The following MAP7 variants were observed in gnomAD, a reference collection of about 807,000 sequenced individuals.
The protein encoded by MAP7 is microtubule associated protein 7.
MAP7 carries 52 observed loss-of-function variants against 94.8 expected under a neutral mutation model. That is an observed-to-expected ratio of 0.55 (90% CI 0.44 to 0.69). The LOEUF (loss-of-function observed/expected upper bound fraction) is 0.69. Among genes scored for constraint, MAP7 ranks in the 30% least tolerant of loss-of-function variants. MAP7 has a pLI of 0.00. For missense variants in MAP7, 940 were observed against 964.6 expected (o/e 0.97, Z 0.34); for synonymous variants, 350 against 357.0 (o/e 0.98, Z 0.22).
At chr6:136,403,106 C>T (rs1244526158) in intron 3 of MAP7, among the ~76,000 whole-genome samples, 6 of 152,034 alleles carry the variant, frequency 3.9e-5, no homozygotes, top group African/African-American at 1.4e-4. Flanking sequence ...AAGAATGTAG[C>T]CATTCTCTTC....
intron 1 of MAP7, among the ~76,000 whole-genome samples, chr6:136,423,782 G>GT (rs60134746): frequency 0.89 from 121,404 of 136,008 alleles, 53,939 homozygotes; most frequent in Non-Finnish European, 0.97. Flanking sequence ...AGGGAGTTGT[G>GT]TTTTTTTTTT....
At chr6:136,510,583 C>T (rs779335441) in intron 1 of MAP7, among the ~76,000 whole-genome samples, 3 of 152,066 alleles carry the variant, frequency 2.0e-5, no homozygotes, top group Non-Finnish European at 2.9e-5. Context: ...AGCTCACACA[C>T]GGCAGTCCAC....
intron 7 of MAP7, among the ~76,000 whole-genome samples, chr6:136,373,949 T>C (rs1462152827): frequency 6.6e-6 from 1 of 152,226 alleles, no homozygotes; most frequent in Non-Finnish European, 1.5e-5. Context: ...CAGTATCTTC[T>C]GGCTATCACT....
intron 1 of MAP7, among the ~76,000 whole-genome samples, chr6:136,457,304 G>A (rs1803621323): frequency 5.4e-5 from 8 of 148,248 alleles, no homozygotes; most frequent in Admixed American, 5.4e-4. Flanking sequence ...ATTGAATCAG[G>A]AATTAAAAAA....
intron 1 of MAP7, among the ~76,000 whole-genome samples, chr6:136,461,756 A>T (rs899025581): frequency 6.6e-6 from 1 of 152,290 alleles, no homozygotes; most frequent in African/African-American, 2.4e-5. Context: ...GGATCAACAC[A>T]TATAACTGGA....
rs1031965637 is a variant in MAP7 at position 136,342,780 on chromosome 6, T to A, written c.*1448A>T. ...ATTTGGTGTTTCATGCTATGTTGAT[T>A]TAAACAAATTAAACAAGTTTGTTGA... On this transcript the variant is annotated 3_prime_UTR_variant, in exon 18 of 18. Transcript: ENST00000354570. 1.3e-5 allele frequency: 2 copies of A among 152,214 alleles called. No homozygotes were observed. The highest frequency in any genetic ancestry group is 4.8e-5 in the African/African-American group (2 of 41,454). The allele number at this position is 152,214 out of a possible 1,614,324, so 9.4% of individuals were successfully genotyped here. A position where few individuals can be genotyped will look rare whatever the true frequency, so the allele number is the denominator to read the frequency against.
Position 136,381,561 on chromosome 6 carries a change from G to T in MAP7, c.637+2110C>A, listed in dbSNP as rs527893840. Among the ~76,000 whole-genome samples, 9 of 152,054 alleles carry T rather than the reference G, an allele frequency of 5.9e-5. No individual in the cohort carries two copies. The South Asian group carries it at 8.3e-4, about 14-fold the overall frequency. ...TAATAAAAGGCCTAAGCCTTTCAGG[G>T]TTCTACTGAGGGCTTTGCTTAAGTT... On this transcript the variant is annotated intron_variant, in intron 6 of 17. Coordinates refer to ENST00000354570, the MANE Select transcript of MAP7 (RefSeq NM_003980.6).
At chr6:136,473,794 C>A (rs1417814497) in intron 1 of MAP7, among the ~76,000 whole-genome samples, 1 of 152,120 alleles carries the variant, frequency 6.6e-6, no homozygotes, top group Non-Finnish European at 1.5e-5. Context: ...CCAAAGAGAA[C>A]CCTTATTGCT....
intron 1 of MAP7, among the ~76,000 whole-genome samples, chr6:136,538,093 A>G (rs1829028408): frequency 6.6e-6 from 1 of 152,208 alleles, no homozygotes; most frequent in Non-Finnish European, 1.5e-5. Flanking sequence ...AAATTTTTTA[A>G]AAGATATAAA....
At chr6:136,366,758 C>T (rs1794434272) in intron 8 of MAP7, among the ~76,000 whole-genome samples, 1 of 152,068 alleles carries the variant, frequency 6.6e-6, no homozygotes, top group African/African-American at 2.4e-5. Context: ...GCAAAACGTC[C>T]CATTCTGGTT....
At chr6:136,500,670 T>C (rs536198279) in intron 1 of MAP7, among the ~76,000 whole-genome samples, 13 of 152,344 alleles carry the variant, frequency 8.5e-5, no homozygotes, top group Non-Finnish European at 1.9e-4. Context: ...CCCAAAGGGA[T>C]TTGAATGGGA....
intron 1 of MAP7, among the ~76,000 whole-genome samples, chr6:136,533,435 T>G (rs1196354576): frequency 1.3e-5 from 2 of 152,214 alleles, no homozygotes; most frequent in Admixed American, 6.5e-5. Context: ...TATGACTTTT[T>G]GGGCATTTTA....
At chr6:136,527,102 C>T (rs1333719050) in intron 1 of MAP7, among the ~76,000 whole-genome samples, 3 of 152,292 alleles carry the variant, frequency 2.0e-5, no homozygotes, top group East Asian at 1.9e-4. Flanking sequence ...CAATCCCTAC[C>T]GCTCTGGGCA....
At chr6:136,368,712 G>A (rs144625470) in intron 8 of MAP7, among the ~76,000 whole-genome samples, 182 of 152,274 alleles carry the variant, frequency 1.2e-3, no homozygotes, top group African/African-American at 4.3e-3. Context: ...CTAAAGATCT[G>A]CATACTGAAA....
At chr6:136,456,773 A>C (rs142919820) in intron 1 of MAP7, among the ~76,000 whole-genome samples, 4 of 65,702 alleles carry the variant, frequency 6.1e-5, no homozygotes, top group African/African-American at 2.1e-4. Flanking sequence ...AGGAGGAAGA[A>C]GAAGAAGAAG....
At chr6:136,346,214 A>ATCAT (rs1415800812) in intron 16 of MAP7, 135 bp from the exon 17 acceptor site, 1 of 599,552 alleles carries the variant, frequency 1.7e-6, no homozygotes, top group South Asian at 2.1e-5. Flanking sequence ...GGTGAGTCAC[A>ATCAT]TCATTACTAA....
At chr6:136,532,579 A>C (rs1828555296) in intron 1 of MAP7, among the ~76,000 whole-genome samples, 2 of 152,008 alleles carry the variant, frequency 1.3e-5, no homozygotes, top group Admixed American at 1.3e-4. Context: ...ACAAACACTG[A>C]TTTGGAATGA....
chr6:136,478,443 C>CA (rs58695908), intron 1 of MAP7, among the ~76,000 whole-genome samples: 9 of 151,214 alleles, frequency 6.0e-5, no homozygotes, highest in African/African-American at 1.9e-4. Context: ...CAAAAACAAA[C>CA]AAAAAAACAA....
chr6:136,526,271 G>A (rs1827840605), intron 1 of MAP7: 3 of 1,045,362 alleles, frequency 2.9e-6, no homozygotes, highest in African/African-American at 2.1e-5. Context: ...GCACGTACAC[G>A]CGCGCGCACA....
Sources: allele counts gnomAD v4.1 joint callset (sites outside exome capture counted in the v4.1 genomes callset), GRCh38; gene constraint gnomAD v4.1.1; transcripts MANE v1.5; gene names NCBI Gene and HGNC (gene_info 2026-07-23, HGNC 2026-07-21).